Variants in ZNF567 observed in about 807,000 individuals in gnomAD.
ZNF567 encodes zinc finger protein 567.
Under a neutral mutation model 53.9 loss-of-function variants are expected in ZNF567, and 36 were observed. The ratio of observed to expected loss-of-function variants is 0.67; its 90% confidence interval spans 0.51 to 0.88. The LOEUF (loss-of-function observed/expected upper bound fraction) is 0.88, where lower values mean the gene tolerates loss of function less well. Ranked by LOEUF, ZNF567 falls within the 40% of genes least tolerant of loss-of-function variation. The probability of loss-of-function intolerance (pLI) is 0.00; values close to 1 mark genes in which losing one functional copy is unlikely to be tolerated. For synonymous variants in ZNF567, 224 were observed against 260.4 expected, an observed-to-expected ratio of 0.86 and a Z score of 1.35; for missense variants, 619 against 764.7, an observed-to-expected ratio of 0.81 and a Z score of 2.25.
At chr19:36,676,798 G>C in the ZNF567 span, among the ~76,000 whole-genome samples, 3 of 151,996 alleles carry the variant, frequency 2.0e-5, no homozygotes, top group Non-Finnish European at 4.4e-5. Flanking sequence ...TTGGGGGATC[G>C]CTTGAGCCCA....
Position 36,720,753 on chromosome 19 carries a change from G to A in ZNF567, c.*85G>A. 1.6e-6 allele frequency: 2 copies of A among 1,243,588 alleles called. No homozygotes were observed. Among genetic ancestry groups the A allele is most frequent in the Non-Finnish European group, 2.2e-6 (2 of 920,672 alleles). The allele number at this position is 1,243,588 out of a possible 1,614,324, so 77.0% of individuals were successfully genotyped here. On this transcript the variant is annotated 3_prime_UTR_variant, in exon 6 of 6. Transcript: ENST00000682579. ...GAAAAGCATGCTGAAACATGTTAAT[G>A]TAATTTTAAATCACAAGTCTAATAA...
chr19:36,685,695 A>G (rs1436612448), upstream of ZNF567: 1 of 152,270 alleles, frequency 6.6e-6, no homozygotes, highest in East Asian at 1.9e-4. Flanking sequence ...AATTATATCA[A>G]TATGGTCATT....
chr19:36,696,531 C>A (rs1046790308), intron 3 of ZNF567, among the ~76,000 whole-genome samples: 2 of 152,112 alleles, frequency 1.3e-5, no homozygotes, highest in Non-Finnish European at 2.9e-5. Context: ...TTTTTCCAAT[C>A]TGGTTAGGGC....
chr19:36,706,244 G>C (rs73038134), intron 3 of ZNF567, among the ~76,000 whole-genome samples: 14,345 of 152,176 alleles, frequency 0.094, 930 homozygotes, highest in Non-Finnish European at 0.14. Flanking sequence ...GCCTAATCAC[G>C]TATTAAAGGC....
intron 5 of ZNF567, 116 bp from the exon 6 acceptor site, chr19:36,718,832 C>T: frequency 1.3e-6 from 1 of 758,782 alleles, no homozygotes; most frequent in Non-Finnish European, 2.0e-6. Context: ...CCTGCCAGGC[C>T]AGTGGTCATT....
chr19:36,723,057 G>C, downstream of ZNF567: 1 of 636,504 alleles, frequency 1.6e-6, no homozygotes, highest in Non-Finnish European at 2.8e-6. Context: ...CTTATAATCA[G>C]AACTGTGAGA....
the ZNF567 span, among the ~76,000 whole-genome samples, chr19:36,673,073 G>T: frequency 3.3e-4 from 46 of 140,676 alleles, no homozygotes; most frequent in East Asian, 8.7e-3. Context: ...TTATATTAGA[G>T]TATTTAAATA....
chr19:36,709,172 T>C (rs1396838345), intron 3 of ZNF567, among the ~76,000 whole-genome samples: 1 of 152,216 alleles, frequency 6.6e-6, no homozygotes, highest in African/African-American at 2.4e-5. Flanking sequence ...GTCTTTGCAT[T>C]TGAAACGTTT....
intron 3 of ZNF567, chr19:36,703,831 G>A (rs574816534): frequency 2.0e-5 from 3 of 152,550 alleles, no homozygotes; most frequent in Admixed American, 2.0e-4. Flanking sequence ...GGTGCCATCT[G>A]TCACCCCTTT....
chr19:36,711,072 TTGTGTGTG>T (rs34088180), intron 3 of ZNF567, among the ~76,000 whole-genome samples: 1 of 150,298 alleles, frequency 6.7e-6, no homozygotes, highest in Non-Finnish European at 1.5e-5. Flanking sequence ...CTCTCACTTT[TTGTGTGTG>T]TGTGTGTGTG....
At chr19:36,680,656 G>C in the ZNF567 span, among the ~76,000 whole-genome samples, 1 of 152,072 alleles carries the variant, frequency 6.6e-6, no homozygotes, top group Non-Finnish European at 1.5e-5. Context: ...TCACATTCTG[G>C]AGGCCAGAAC....
the ZNF567 span, among the ~76,000 whole-genome samples, chr19:36,673,371 A>T: frequency 6.6e-6 from 1 of 152,218 alleles, no homozygotes; most frequent in Non-Finnish European, 1.5e-5. Context: ...GTCAAACATT[A>T]TTCTGGATGT....
chr19:36,715,119 CACTG>C lies in ZNF567; in HGVS notation c.223+2256_223+2259del, dbSNP rs1241835380. 5.9e-5 allele frequency among the ~76,000 whole-genome samples: 9 copies of C among 152,144 alleles called. No individual in the cohort carries two copies. The East Asian group carries it at 1.7e-3, about 29-fold the overall frequency. ...CTGACAATGTGTCAGAAATGAAAAT[CACTG>C]ACTTTCTCAGCTCTTAAATTTTTCC... On this transcript the variant is annotated intron_variant, in intron 5 of 5. Coordinates refer to ENST00000682579, the MANE Select transcript of ZNF567 (RefSeq NM_001322917.1).
intron 3 of ZNF567, among the ~76,000 whole-genome samples, chr19:36,698,028 C>T (rs1400747815): frequency 6.6e-6 from 1 of 150,856 alleles, no homozygotes; most frequent in Non-Finnish European, 1.5e-5. Context: ...CACCCATTAA[C>T]TCGTCATTTA....
At chr19:36,712,361 C>G (rs1024021487) in intron 3 of ZNF567, 25 bp from the exon 4 acceptor site, 9 of 1,608,146 alleles carry the variant, frequency 5.6e-6, no homozygotes, top group Non-Finnish European at 7.6e-6. Context: ...TCCACCTGTT[C>G]TGATTACAGT....
intron 3 of ZNF567, chr19:36,712,059 T>G (rs1158480503): frequency 5.7e-6 from 1 of 175,288 alleles, no homozygotes; most frequent in African/African-American, 2.4e-5. Context: ...TTTCTTTTCC[T>G]TTTTTTTGAC....
chr19:36,706,292 C>T (rs569146436), intron 3 of ZNF567, among the ~76,000 whole-genome samples: 14 of 152,220 alleles, frequency 9.2e-5, no homozygotes, highest in East Asian at 5.8e-4. Flanking sequence ...AACACCTGAA[C>T]GTTGTTTGGT....
intron 3 of ZNF567, among the ~76,000 whole-genome samples, chr19:36,699,185 T>C (rs1258022931): frequency 2.6e-5 from 4 of 152,134 alleles, no homozygotes; most frequent in African/African-American, 4.8e-5. Flanking sequence ...GGGAATCCTT[T>C]CCCCATTGCT....
At chr19:36,718,613 C>G (rs1268185281) in intron 5 of ZNF567, among the ~76,000 whole-genome samples, 1 of 152,326 alleles carries the variant, frequency 6.6e-6, no homozygotes, top group South Asian at 2.1e-4. Context: ...ATCCTACTTA[C>G]ATTTTAATGC....
Sources: allele counts gnomAD v4.1 joint callset (sites outside exome capture counted in the v4.1 genomes callset), GRCh38; gene constraint gnomAD v4.1.1; transcripts MANE v1.5; gene names NCBI Gene and HGNC (gene_info 2026-07-23, HGNC 2026-07-21).